Variants in SEL1L2 observed in about 807,000 individuals in gnomAD.
SEL1L2 encodes protein sel-1 homolog 2.
SEL1L2 carries 89 observed loss-of-function variants against 98.8 expected under a neutral mutation model. The observed-to-expected ratio is 0.90, with a 90% CI of 0.76 to 1.07. The LOEUF (loss-of-function observed/expected upper bound fraction) is 1.07. Among genes scored for constraint, SEL1L2 ranks in the 50% least tolerant of loss-of-function variants. The probability of loss-of-function intolerance (pLI) is 0.00; values close to 1 mark genes in which losing one functional copy is unlikely to be tolerated. For synonymous variants in SEL1L2, 262 were observed against 278.5 expected (o/e 0.94, Z 0.59); for missense variants, 788 against 812.0 (o/e 0.97, Z 0.36).
chr20:13,873,757 G>T (rs1449481004), intron 12 of SEL1L2, among the ~76,000 whole-genome samples: 2 of 152,184 alleles, frequency 1.3e-5, no homozygotes, highest in African/African-American at 4.8e-5. Flanking sequence ...TAATGCTCTT[G>T]CTTAGGTTAG....
At chr20:13,992,078 C>T (rs578233327), upstream of SEL1L2, among the ~76,000 whole-genome samples, 6 of 152,212 alleles carry the variant, frequency 3.9e-5, no homozygotes, top group African/African-American at 7.2e-5. Context: ...TAAGGGGAAG[C>T]GGCAAACAAA....
At chr20:13,953,982 A>G (rs571873364) in intron 2 of SEL1L2, among the ~76,000 whole-genome samples, 1 of 152,360 alleles carries the variant, frequency 6.6e-6, no homozygotes, top group African/African-American at 2.4e-5. Context: ...GTGGAAGGAA[A>G]TAGCACACAG....
At chr20:13,942,921 A>AT (rs2049844270) in intron 2 of SEL1L2, among the ~76,000 whole-genome samples, 1 of 152,080 alleles carries the variant, frequency 6.6e-6, no homozygotes, top group Non-Finnish European at 1.5e-5. Flanking sequence ...GATGTCTTTT[A>AT]TTTTTTTCCT....
At chr20:13,937,315 G>A (rs1030391829) in intron 2 of SEL1L2, among the ~76,000 whole-genome samples, 3 of 152,190 alleles carry the variant, frequency 2.0e-5, no homozygotes, top group Non-Finnish European at 2.9e-5. Context: ...ACCCGCCCAA[G>A]TGTTTATATC....
intron 9 of SEL1L2, 30 bp downstream of exon 9, chr20:13,886,258 T>TA: frequency 6.5e-7 from 1 of 1,545,518 alleles, no homozygotes; most frequent in Non-Finnish European, 8.8e-7. Flanking sequence ...TTTCATGTTC[T>TA]AAAAACTCAA....
chr20:13,858,097 A>G (rs1568828753), intron 18 of SEL1L2, among the ~76,000 whole-genome samples: 1 of 152,198 alleles, frequency 6.6e-6, no homozygotes, highest in African/African-American at 2.4e-5. Context: ...AGGGCTAATG[A>G]AAAATGATCA....
At chr20:13,870,056 T>G in intron 13 of SEL1L2, 85 bp downstream of exon 13, 1 of 957,032 alleles carries the variant, frequency 1.0e-6, no homozygotes, top group Non-Finnish European at 1.6e-6. Context: ...ATAATAGAGA[T>G]AAATTCCTTT....
At chr20:13,901,063 CTTTCTTTCTTTCTT>C (rs2047650462) in intron 5 of SEL1L2, among the ~76,000 whole-genome samples, 1 of 142,294 alleles carries the variant, frequency 7.0e-6, no homozygotes, top group African/African-American at 2.6e-5. Context: ...TTTTCTTTTT[CTTTCTTTCTTTCTT>C]TTTTTTTTTT....
In SEL1L2 at chr20:13,858,911, G is replaced by C. The variant is rs144851014; in HGVS notation, c.1818+351C>G. ...TGTTCCTGAGAGCTTGAGAACCAGT[G>C]GAAATTTTAATGGAAAGAAAGGCCC... On this transcript the variant is annotated intron_variant, in intron 18 of 19. Transcript: ENST00000284951. Among the ~76,000 whole-genome samples, 27 of 152,236 alleles carry C rather than the reference G, an allele frequency of 1.8e-4. No individual in the cohort carries two copies. In the East Asian group the frequency reaches 5.2e-3, roughly 29 times the overall value.
At chr20:13,987,584 GT>G (rs1249421482) in intron 1 of SEL1L2, among the ~76,000 whole-genome samples, 1 of 151,838 alleles carries the variant, frequency 6.6e-6, no homozygotes, top group Non-Finnish European at 1.5e-5. Flanking sequence ...TCTTGACCTC[GT>G]GATCCACCTG....
intron 18 of SEL1L2, 28 bp from the exon 19 acceptor site, chr20:13,850,347 T>A: frequency 6.2e-7 from 1 of 1,612,854 alleles, no homozygotes; most frequent in Non-Finnish European, 8.5e-7. Context: ...GCCCTACCCA[T>A]CAGATTCTGT....
Position 13,849,464 on chromosome 20 carries a change from G to A in SEL1L2, c.*21C>T, listed in dbSNP as rs1987844597. On this transcript the variant is annotated 3_prime_UTR_variant, in exon 20 of 20. Coordinates refer to ENST00000284951, the MANE Select transcript of SEL1L2 (RefSeq NM_025229.2). ...TGGAGTGAACTGATTCCCGTGAGCA[G>A]GTTTTCCTGTGATCCGCATCCTACC... 1.2e-6 allele frequency: 2 copies of A among 1,612,674 alleles called. No homozygotes were observed. Among genetic ancestry groups the A allele is most frequent in the African/African-American group, 1.3e-5 (1 of 74,900 alleles).
chr20:13,870,311 C>G (rs2046124422), intron 12 of SEL1L2, 108 bp from the exon 13 acceptor site: 3 of 758,720 alleles, frequency 4.0e-6, no homozygotes, highest in Admixed American at 4.8e-5. Flanking sequence ...AGAGATTAAT[C>G]AAGGCAGTTG....
chr20:13,942,404 T>C (rs552998960), intron 2 of SEL1L2, among the ~76,000 whole-genome samples: 88 of 152,298 alleles, frequency 5.8e-4, no homozygotes, highest in African/African-American at 2.0e-3. Context: ...TCCTAGGTCA[T>C]TGGTTCTTAA....
chr20:13,916,725 G>C (rs563707002), intron 4 of SEL1L2, among the ~76,000 whole-genome samples: 62 of 152,262 alleles, frequency 4.1e-4, no homozygotes, highest in African/African-American at 1.4e-3. Context: ...AGAATCGCTT[G>C]AACTGGGGAG....
chr20:13,931,452 A>G, intron 3 of SEL1L2, 151 bp downstream of exon 3: 3 of 411,360 alleles, frequency 7.3e-6, no homozygotes, highest in Non-Finnish European at 1.2e-5. Context: ...ATTAAAATAA[A>G]ACAAAGGTAG....
chr20:13,943,963 G>GAA (rs1198491081), intron 2 of SEL1L2, among the ~76,000 whole-genome samples: 1 of 152,134 alleles, frequency 6.6e-6, no homozygotes, highest in African/African-American at 2.4e-5. Context: ...AAGAGAGAGA[G>GAA]AGAGTAAGAT....
In SEL1L2 at chr20:13,934,467, TATATATTCC is replaced by T. The variant is rs1177856334; in HGVS notation, c.115-2705_115-2697del. ...ATTCCATATATATATATTCCATATATATATATTCCATATATATATATGTCACAGTTTCTT... is the reference window on the plus strand; with the variant it reads ...ATTCCATATATATATATTCCATATATATATATATATATGTCACAGTTTCTT... On this transcript the variant is annotated intron_variant, in intron 2 of 19. Transcript: ENST00000284951. 1.1e-4 allele frequency among the ~76,000 whole-genome samples: 10 copies of T among 93,312 alleles called. 2 individuals carry two copies. The highest frequency in any genetic ancestry group is 7.0e-4 in the South Asian group (2 of 2,870). The allele number at this position is 93,312 out of a possible 152,430, so 61.2% of individuals were successfully genotyped here.
At position 13,866,851 on chromosome 20, in the gene SEL1L2, C is replaced by A. The variant is rs1991125970; in HGVS notation, c.1256-1G>T. On this transcript the variant is annotated splice_acceptor_variant, in intron 14 of 19. Transcript: ENST00000284951. LOFTEE classifies it high-confidence loss of function. ...TAATCCTTCCATATTCCAGAGCCAG[C>A]TGAAAATTAAAATTGTTTTGAGCCA... is the stretch of plus-strand genomic sequence containing the variant. The A allele has an allele frequency of 6.3e-7, 1 of 1,599,868 alleles. No homozygotes were observed. The highest frequency in any genetic ancestry group is 2.3e-5 in the East Asian group (1 of 44,394).
Sources: allele counts gnomAD v4.1 joint callset (sites outside exome capture counted in the v4.1 genomes callset), GRCh38; gene constraint gnomAD v4.1.1; transcripts MANE v1.5; gene names NCBI Gene and HGNC (gene_info 2026-07-23, HGNC 2026-07-21).